Variants in AJAP1 observed in about 807,000 individuals in gnomAD.
AJAP1 encodes adherens junction-associated protein 1.
A neutral mutation model predicts 35.0 loss-of-function variants in AJAP1; 5 were observed. That is an observed-to-expected ratio of 0.14 (90% confidence interval 0.07 to 0.30). The LOEUF is 0.30. Ranked by LOEUF, AJAP1 falls within the 10% of genes least tolerant of loss-of-function variation. The probability of loss-of-function intolerance (pLI) is 1.00; values close to 1 mark genes in which losing one functional copy is unlikely to be tolerated. For synonymous variants in AJAP1, 284 were observed against 249.3 expected, an observed-to-expected ratio of 1.14 and a Z score of -1.31; for missense variants, 586 against 571.0, an observed-to-expected ratio of 1.03 and a Z score of -0.27.
In AJAP1 at chr1:4,737,765, T is replaced by C. The variant is rs149767613; in HGVS notation, c.829+25066T>C. Among the ~76,000 whole-genome samples the C allele has an allele frequency of 5.1e-3, 770 of 152,294 alleles. 8 individuals are homozygous for C. Among genetic ancestry groups the C allele is most frequent in the African/African-American group, 0.017 (703 of 41,574 alleles). ...TATTTAAAATATTAGCTGGATGTAG[T>C]GGTGCATGCACCTGTGGTCCCAGCT... is the stretch of plus-strand genomic sequence containing the variant. On this transcript the variant is annotated intron_variant, in intron 2 of 5. Transcript: ENST00000378191.
chr1:4,707,212 T>A (rs1019589045), intron 1 of AJAP1, among the ~76,000 whole-genome samples: 1 of 152,190 alleles, frequency 6.6e-6, no homozygotes, highest in Non-Finnish European at 1.5e-5. Flanking sequence ...TGCCACGCCA[T>A]GCACTCCACA....
chr1:4,724,544 C>G (rs558651218), intron 2 of AJAP1, among the ~76,000 whole-genome samples: 3 of 152,106 alleles, frequency 2.0e-5, no homozygotes, highest in Non-Finnish European at 4.4e-5. Context: ...TGGGCCTGCT[C>G]GCTCCTCCCC....
intron 5 of AJAP1, among the ~76,000 whole-genome samples, chr1:4,776,090 C>T (rs12754209): frequency 1.9e-4 from 29 of 152,268 alleles, no homozygotes; most frequent in Non-Finnish European, 3.2e-4. Context: ...CCCTCACTCC[C>T]TTCCGCCAAG....
chr1:4,724,635 C>A (rs1640607561), intron 2 of AJAP1, among the ~76,000 whole-genome samples: 1 of 149,620 alleles, frequency 6.7e-6, no homozygotes, highest in South Asian at 2.1e-4. Context: ...GCCCAGGACT[C>A]CTTGAGGGGC....
At chr1:4,760,794 T>C (rs971300118) in intron 2 of AJAP1, among the ~76,000 whole-genome samples, 7 of 152,232 alleles carry the variant, frequency 4.6e-5, no homozygotes, top group African/African-American at 1.4e-4. Flanking sequence ...CCAAGGCGTG[T>C]GGCCACACCA....
rs1314646866 is a variant in AJAP1, at chr1:4,782,127, C to G, written c.*60-418C>G. ...GGAGTGGAGCAGGCCCCACGCCACC[C>G]TCCATGGGAGGAAACTGGACAGAGA... On this transcript the variant is annotated intron_variant, in intron 5 of 5. Coordinates refer to ENST00000378191, the MANE Select transcript of AJAP1 (RefSeq NM_018836.4). This position sits in a 1 kb window ranked among gnomAD's most constrained non-coding sequence, Gnocchi z 5.3. Among the ~76,000 whole-genome samples the G allele has an allele frequency of 6.6e-6, 1 of 152,218 alleles. No individual in the cohort carries two copies. The highest frequency in any genetic ancestry group is 1.5e-5 in the Non-Finnish European group (1 of 68,036).
At chr1:4,781,373 C>G (rs946350370) in intron 5 of AJAP1, among the ~76,000 whole-genome samples, 1 of 152,204 alleles carries the variant, frequency 6.6e-6, no homozygotes, top group Non-Finnish European at 1.5e-5. Context: ...CGTTCACAAA[C>G]ACTACCCCGA....
At chr1:4,673,404 C>A (rs1168500954) in intron 1 of AJAP1, among the ~76,000 whole-genome samples, 1 of 152,188 alleles carries the variant, frequency 6.6e-6, no homozygotes, top group Non-Finnish European at 1.5e-5. Flanking sequence ...ATCCCTCTTT[C>A]TCTGTTCTCT....
intron 1 of AJAP1, among the ~76,000 whole-genome samples, chr1:4,681,711 A>G (rs1639487089): frequency 1.3e-5 from 2 of 152,166 alleles, no homozygotes; most frequent in African/African-American, 4.8e-5. Flanking sequence ...AGAATAGTGC[A>G]CCCTGGATTT....
intron 2 of AJAP1, among the ~76,000 whole-genome samples, chr1:4,754,113 G>A (rs1045304726): frequency 3.3e-5 from 5 of 152,086 alleles, no homozygotes; most frequent in Admixed American, 1.3e-4. Context: ...TGGTTCCTGC[G>A]TTTGTACATC....
chr1:4,697,185 T>A (rs906671889), intron 1 of AJAP1, among the ~76,000 whole-genome samples: 6 of 152,266 alleles, frequency 3.9e-5, no homozygotes, highest in African/African-American at 1.4e-4. Context: ...TGTATGTGGC[T>A]GTATGTGTGC....
chr1:4,659,613 C>T (rs1011448628), intron 1 of AJAP1, among the ~76,000 whole-genome samples: 3 of 152,158 alleles, frequency 2.0e-5, no homozygotes, highest in Non-Finnish European at 4.4e-5. Context: ...CAAGTACATC[C>T]GCCTCAGAGC....
intron 1 of AJAP1, among the ~76,000 whole-genome samples, chr1:4,694,173 C>T (rs555264561): frequency 7.5e-6 from 1 of 133,562 alleles, no homozygotes; most frequent in East Asian, 2.4e-4. Context: ...CCCAGGGGCA[C>T]GGGTGCCAGT....
chr1:4,741,855 G>T (rs1641075272), intron 2 of AJAP1, among the ~76,000 whole-genome samples: 1 of 152,208 alleles, frequency 6.6e-6, no homozygotes, highest in Non-Finnish European at 1.5e-5. Context: ...CTCACGGAAT[G>T]ATGGGCACCT....
intron 1 of AJAP1, among the ~76,000 whole-genome samples, chr1:4,673,441 A>G (rs1639290413): frequency 1.3e-5 from 2 of 152,144 alleles, no homozygotes; most frequent in South Asian, 2.1e-4. Flanking sequence ...ACAAGAGCTC[A>G]TGCTTGTTTC....
intron 1 of AJAP1, among the ~76,000 whole-genome samples, chr1:4,681,884 C>G (rs1032681434): frequency 6.6e-6 from 1 of 152,188 alleles, no homozygotes; most frequent in African/African-American, 2.4e-5. Context: ...GGGATGACAG[C>G]AGCCTCTGGG....
chr1:4,710,963 C>A (rs771377984), intron 1 of AJAP1, among the ~76,000 whole-genome samples: 3 of 152,172 alleles, frequency 2.0e-5, no homozygotes, highest in African/African-American at 4.8e-5. Context: ...AGCCCCGCTG[C>A]GTGGAGAGGC....
At chr1:4,761,268 T>C (rs1641558088) in intron 2 of AJAP1, among the ~76,000 whole-genome samples, 1 of 152,212 alleles carries the variant, frequency 6.6e-6, no homozygotes, top group African/African-American at 2.4e-5. Flanking sequence ...GAAAGGTGGA[T>C]TGATGCCTTG....
intron 2 of AJAP1, among the ~76,000 whole-genome samples, chr1:4,721,671 A>T (rs1398038829): frequency 6.6e-6 from 1 of 152,142 alleles, no homozygotes; most frequent in East Asian, 1.9e-4. Context: ...GGATGTGTGG[A>T]TAGGGGCTGC....
Sources: allele counts gnomAD v4.1 joint callset (sites outside exome capture counted in the v4.1 genomes callset), GRCh38; gene constraint gnomAD v4.1.1; non-coding constraint Gnocchi (gnomAD v3.1); transcripts MANE v1.5; gene names NCBI Gene and HGNC (gene_info 2026-07-23, HGNC 2026-07-21).